Variants in SDK1 observed in about 807,000 individuals in gnomAD.
The protein encoded by SDK1 is sidekick cell adhesion molecule 1.
SDK1 carries 157 observed loss-of-function variants against 245.5 expected under a neutral mutation model. The observed-to-expected ratio is 0.64, with a 90% confidence interval of 0.56 to 0.73. SDK1 has a LOEUF of 0.73. Among genes scored for constraint, SDK1 ranks in the 30% least tolerant of loss-of-function variants. The probability of loss-of-function intolerance (pLI) is 0.00; values close to 1 mark genes in which losing one functional copy is unlikely to be tolerated. For missense variants in SDK1, 3,583 were observed against 3,002.3 expected (o/e 1.19, Z -4.52); for synonymous variants, 1,647 against 1,278.5 (o/e 1.29, Z -6.15).
At chr7:3,831,057 AT>A (rs1224802000) in intron 5 of SDK1, among the ~76,000 whole-genome samples, 2 of 152,164 alleles carry the variant, frequency 1.3e-5, no homozygotes, top group African/African-American at 4.8e-5. Flanking sequence ...GATATGAAAG[AT>A]AAGGAATTTT....
At position 4,186,975 on chromosome 7, in the gene SDK1, A is replaced by G. The variant is rs531629025; in HGVS notation, c.5098+8389A>G. The stretch of plus-strand genomic sequence containing the variant: ...CTGTAGCCTCCTTCTGGGGGCTGCA[A>G]GTAGTAGGGGCTCCAGCATGTCTAC... On this transcript the variant is annotated intron_variant, in intron 35 of 44. Transcript: ENST00000404826. 4.6e-5 allele frequency among the ~76,000 whole-genome samples: 7 copies of G among 152,208 alleles called. No individual in the cohort carries two copies. In the South Asian group the frequency reaches 1.5e-3, roughly 32 times the overall value.
chr7:3,852,751 A>T (rs1317755197), intron 5 of SDK1, among the ~76,000 whole-genome samples: 6 of 108,936 alleles, frequency 5.5e-5, no homozygotes, highest in Non-Finnish European at 1.8e-5. Context: ...ACTCCGTCTC[A>T]AAAAAAAAAA....
At chr7:3,929,404 C>T (rs1328828445) in intron 5 of SDK1, among the ~76,000 whole-genome samples, 2 of 152,236 alleles carry the variant, frequency 1.3e-5, no homozygotes, top group Non-Finnish European at 2.9e-5. Flanking sequence ...GTCTTTCTCA[C>T]ACCTTCTAGC....
At chr7:3,517,356 T>C (rs1359384561) in intron 1 of SDK1, among the ~76,000 whole-genome samples, 1 of 152,188 alleles carries the variant, frequency 6.6e-6, no homozygotes, top group African/African-American at 2.4e-5. Context: ...CTGATTTTTG[T>C]CTAGTGTACT....
At chr7:3,528,929 G>T (rs1347641870) in intron 1 of SDK1, among the ~76,000 whole-genome samples, 2 of 152,116 alleles carry the variant, frequency 1.3e-5, no homozygotes, top group East Asian at 3.9e-4. Context: ...CCAGCTACAG[G>T]GGCTGAAGAA....
At chr7:4,156,322 A>C (rs1780733144) in intron 30 of SDK1, among the ~76,000 whole-genome samples, 1 of 152,168 alleles carries the variant, frequency 6.6e-6, no homozygotes, top group Non-Finnish European at 1.5e-5. Context: ...CCAGGAACAG[A>C]GGGGAAATTG....
chr7:3,908,058 G>T (rs1432569065), intron 5 of SDK1, among the ~76,000 whole-genome samples: 1 of 152,042 alleles, frequency 6.6e-6, no homozygotes, highest in Non-Finnish European at 1.5e-5. Flanking sequence ...TCTCTTCTCT[G>T]CGGCTTAGCT....
chr7:3,622,175 T>G (rs1389467505), intron 2 of SDK1, among the ~76,000 whole-genome samples: 1 of 152,138 alleles, frequency 6.6e-6, no homozygotes, highest in Non-Finnish European at 1.5e-5. Flanking sequence ...TAGCAGCATT[T>G]CAATTTAAAA....
chr7:3,725,699 T>G (rs1429105720), intron 4 of SDK1, among the ~76,000 whole-genome samples: 2 of 152,162 alleles, frequency 1.3e-5, no homozygotes, highest in Admixed American at 6.5e-5. Context: ...CAGCCGTAAG[T>G]GGACAAACTT....
chr7:3,671,093 G>T (rs896467903), intron 4 of SDK1, among the ~76,000 whole-genome samples: 3 of 152,144 alleles, frequency 2.0e-5, no homozygotes, highest in African/African-American at 2.4e-5. Context: ...CTCAAGGCGG[G>T]GGGTGTCTTG....
At chr7:3,539,204 C>T (rs1434736583) in intron 1 of SDK1, among the ~76,000 whole-genome samples, 1 of 152,176 alleles carries the variant, frequency 6.6e-6, no homozygotes, top group Non-Finnish European at 1.5e-5. Flanking sequence ...GCCAGGGGAT[C>T]TCACTTGGAC....
intron 19 of SDK1, among the ~76,000 whole-genome samples, chr7:4,055,348 C>T (rs944230174): frequency 2.6e-5 from 4 of 152,098 alleles, no homozygotes; most frequent in Non-Finnish European, 4.4e-5. Context: ...GGAGTTGATC[C>T]TCTAAGAGTT....
At chr7:3,728,965 T>C (rs1007552945) in intron 4 of SDK1, among the ~76,000 whole-genome samples, 4 of 152,106 alleles carry the variant, frequency 2.6e-5, no homozygotes, top group Admixed American at 2.6e-4. Flanking sequence ...AACTTGTATT[T>C]AAAAATTATG....
At chr7:4,089,839 A>G (rs760615563) in intron 22 of SDK1, among the ~76,000 whole-genome samples, 5 of 152,178 alleles carry the variant, frequency 3.3e-5, no homozygotes, top group Admixed American at 6.5e-5. Context: ...GGCCTCATCC[A>G]TGATTTGCCC....
At chr7:3,967,109 G>A (rs1038872473) in intron 9 of SDK1, among the ~76,000 whole-genome samples, 3 of 152,210 alleles carry the variant, frequency 2.0e-5, no homozygotes, top group Non-Finnish European at 4.4e-5. Context: ...TCGTGACGCT[G>A]TATTTTCTCT....
chr7:3,950,931 G>A lies in SDK1; in HGVS notation c.856G>A (p.Gly286Ser), dbSNP rs1183717574. The A allele has an allele frequency of 1.2e-6, 2 of 1,613,272 alleles. No homozygotes were observed. The highest frequency in any genetic ancestry group is 2.7e-5 in the African/African-American group (2 of 74,810). ...TCTTTTCTCTGCCACAGGAGATGTT[G>A]GCACACCTGAAACCATGGCCCCAAC... ...FIHLSIARDV[G>S]TPETMAPTIV... The change falls in exon 6 of 45, where the codon GGC (glycine) becomes AGC (serine). Residue 286 changes from glycine to serine, a missense_variant. Physicochemically the swap from Gly to Ser is moderately conservative, Grantham distance 56 (BLOSUM62 0). Coordinates refer to ENST00000404826, the MANE Select transcript of SDK1 (RefSeq NM_152744.4).
At chr7:3,493,668 G>T (rs1206037185) in intron 1 of SDK1, among the ~76,000 whole-genome samples, 1 of 152,148 alleles carries the variant, frequency 6.6e-6, no homozygotes, top group African/African-American at 2.4e-5. Flanking sequence ...GCAATGCTAG[G>T]CCTTCTCACT....
At chr7:3,441,862 C>CT (rs1287563490) in intron 1 of SDK1, among the ~76,000 whole-genome samples, 2 of 152,272 alleles carry the variant, frequency 1.3e-5, no homozygotes, top group East Asian at 3.9e-4. Flanking sequence ...AAAAGTGATA[C>CT]TTAGGGTACC....
At chr7:3,796,704 T>C (rs1173989553) in intron 4 of SDK1, among the ~76,000 whole-genome samples, 1 of 152,188 alleles carries the variant, frequency 6.6e-6, no homozygotes, top group African/African-American at 2.4e-5. Flanking sequence ...TTGTTTTTGA[T>C]TTGTTTCTTT....
Sources: allele counts gnomAD v4.1 joint callset (sites outside exome capture counted in the v4.1 genomes callset), GRCh38; gene constraint gnomAD v4.1.1; transcripts MANE v1.5; gene names NCBI Gene and HGNC (gene_info 2026-07-23, HGNC 2026-07-21).